DSCAM: variants seen among roughly 807,000 people sequenced by gnomAD.
The protein encoded by DSCAM is cell adhesion molecule DSCAM.
A neutral mutation model predicts 217.7 loss-of-function variants in DSCAM; 47 were observed. The ratio of observed to expected loss-of-function variants is 0.22; its 90% CI spans 0.17 to 0.28. DSCAM has a LOEUF of 0.28. Ranked by LOEUF, DSCAM falls within the 10% of genes least tolerant of loss-of-function variation. The pLI, the probability that DSCAM is intolerant of heterozygous loss-of-function variation, is 1.00. For missense variants in DSCAM, 2,080 were observed against 2,618.3 expected (o/e 0.79, Z 4.49); for synonymous variants, 1,056 against 1,015.3 (o/e 1.04, Z -0.76).
At chr21:40,017,147 G>A (rs1451568044) in intron 32 of DSCAM, among the ~76,000 whole-genome samples, 1 of 151,374 alleles carries the variant, frequency 6.6e-6, no homozygotes, top group Non-Finnish European at 1.5e-5. Flanking sequence ...AATAAATATG[G>A]CCAAATCAAG....
intron 3 of DSCAM, among the ~76,000 whole-genome samples, chr21:40,579,922 C>T (rs962576532): frequency 3.9e-5 from 6 of 152,108 alleles, no homozygotes; most frequent in African/African-American, 1.4e-4. Context: ...CCATTGTGAG[C>T]CACGTGGTGG....
rs537468822 is a variant in DSCAM, at chr21:40,491,675, C to T, written c.509-122430G>A. 7.9e-5 allele frequency among the ~76,000 whole-genome samples: 12 copies of T among 152,284 alleles called. No individual in the cohort carries two copies. In the South Asian group the frequency reaches 2.5e-3, roughly 32 times the overall value. On this transcript the variant is annotated intron_variant, in intron 3 of 32. Coordinates refer to ENST00000400454, the MANE Select transcript of DSCAM (RefSeq NM_001389.5). ...ACCCAATTCATTCAACCCAGGCACA[C>T]TGGCCTTTGTGCTGTTTCTGCAACA...
rs541241844 is a variant in DSCAM at position 40,375,136 on chromosome 21, A to C, written c.509-5891T>G. Among the ~76,000 whole-genome samples, 2 of 152,300 alleles carry C rather than the reference A, an allele frequency of 1.3e-5. 1 individual carries two copies. Among genetic ancestry groups the C allele is most frequent in the South Asian group, 4.1e-4 (2 of 4,824 alleles). Reference sequence around the variant, plus strand: ...ATTTCTTGTCCATCATATTTTATCTAACAGGAAGGCCCTCTGCTTCTACCT... The same window carrying C: ...ATTTCTTGTCCATCATATTTTATCTCACAGGAAGGCCCTCTGCTTCTACCT... On this transcript the variant is annotated intron_variant, in intron 3 of 32. Coordinates refer to ENST00000400454, the MANE Select transcript of DSCAM (RefSeq NM_001389.5).
At chr21:40,410,977 T>C (rs532414334) in intron 3 of DSCAM, among the ~76,000 whole-genome samples, 19 of 152,240 alleles carry the variant, frequency 1.2e-4, no homozygotes, top group Non-Finnish European at 2.5e-4. Context: ...ATTATCAGTT[T>C]TAAAATATCT....
At chr21:40,020,358 T>A (rs2088241047) in intron 32 of DSCAM, among the ~76,000 whole-genome samples, 1 of 152,316 alleles carries the variant, frequency 6.6e-6, no homozygotes, top group Non-Finnish European at 1.5e-5. Flanking sequence ...CCTTCCTTCC[T>A]TCCTTCTTTT....
In DSCAM at chr21:40,481,455, C is replaced by T. The variant is rs909840009; in HGVS notation, c.509-112210G>A. Among the ~76,000 whole-genome samples the T allele has an allele frequency of 8.7e-5, 12 of 137,454 alleles. 1 individual carries two copies. Among genetic ancestry groups the T allele is most frequent in the Non-Finnish European group, 3.0e-5 (2 of 66,636 alleles). 90.2% of individuals were successfully genotyped at this position (137,454 alleles called of 152,430 possible). A position where few individuals can be genotyped will look rare whatever the true frequency, so the allele number is the denominator to read the frequency against. On this transcript the variant is annotated intron_variant, in intron 3 of 32. Transcript: ENST00000400454. The stretch of plus-strand genomic sequence containing the variant: ...CAGAGAATGGCGTGAACCCAGAAGG[C>T]AGAGCTTGCAGTGAGCCAAGATCAT...
chr21:40,331,682 G>T (rs2074379599), intron 8 of DSCAM, among the ~76,000 whole-genome samples: 1 of 152,086 alleles, frequency 6.6e-6, no homozygotes, highest in Non-Finnish European at 1.5e-5. Context: ...GTAAAAAAAT[G>T]CTGGTACATT....
At chr21:40,392,888 G>GA (rs1193429527) in intron 3 of DSCAM, among the ~76,000 whole-genome samples, 1 of 151,964 alleles carries the variant, frequency 6.6e-6, no homozygotes, top group Non-Finnish European at 1.5e-5. Flanking sequence ...TGTTAATCAT[G>GA]AAAAAAATTT....
At chr21:40,767,660 T>A (rs1185475779) in intron 1 of DSCAM, among the ~76,000 whole-genome samples, 1 of 152,192 alleles carries the variant, frequency 6.6e-6, no homozygotes, top group Non-Finnish European at 1.5e-5. Flanking sequence ...GAGCATCTCA[T>A]GGCAGCTCCC....
At chr21:40,743,692 T>G (rs543652483) in intron 1 of DSCAM, among the ~76,000 whole-genome samples, 74 of 152,316 alleles carry the variant, frequency 4.9e-4, no homozygotes, top group African/African-American at 1.8e-3. Context: ...GATACCATGT[T>G]TCTGTCTGGT....
chr21:40,782,717 G>A (rs1569034047), intron 1 of DSCAM, among the ~76,000 whole-genome samples: 2 of 152,020 alleles, frequency 1.3e-5, no homozygotes, highest in East Asian at 1.9e-4. Flanking sequence ...TCCATAGAGT[G>A]AGACCCTGTC....
rs115699580 is a variant in DSCAM at position 40,631,894 on chromosome 21, G to C, written c.508+60916C>G. Among the ~76,000 whole-genome samples, 804 of 152,366 alleles carry C rather than the reference G, an allele frequency of 5.3e-3. 9 individuals carry two copies. The highest frequency in any genetic ancestry group is 0.018 in the African/African-American group (763 of 41,598). ...TGATGGCAACAGAGGCCATGGCTTT[G>C]ACACTATCCTCGCCACCATGGGCAA... On this transcript the variant is annotated intron_variant, in intron 3 of 32. Transcript: ENST00000400454.
At position 40,399,269 on chromosome 21, in the gene DSCAM, CACAAAACAAAACAAAACAAAACAAA is replaced by C. The variant is rs74879612; in HGVS notation, c.509-30049_509-30025del. On this transcript the variant is annotated intron_variant, in intron 3 of 32. Coordinates refer to ENST00000400454, the MANE Select transcript of DSCAM (RefSeq NM_001389.5). ...TGGGTGACAGAGGAAGACCCTGTCT[CACAAAACAAAACAAAACAAAACAAA>C]ACAAAACAAAACAAAACATAGGAGT... 6.7e-5 allele frequency among the ~76,000 whole-genome samples: 10 copies of C among 150,308 alleles called. No individual in the cohort carries two copies. In the South Asian group the frequency reaches 1.1e-3, roughly 16 times the overall value.
chr21:40,238,715 G>C (rs1193477276), intron 11 of DSCAM, among the ~76,000 whole-genome samples: 1 of 152,190 alleles, frequency 6.6e-6, no homozygotes, highest in Non-Finnish European at 1.5e-5. Flanking sequence ...CCATGTCTAA[G>C]TACCGGCTTG....
chr21:40,749,124 C>T (rs927216605), intron 1 of DSCAM, among the ~76,000 whole-genome samples: 3 of 151,972 alleles, frequency 2.0e-5, no homozygotes, highest in African/African-American at 7.2e-5. Context: ...TATGAAACTA[C>T]TAGAAGAAAA....
At chr21:40,723,362 T>C (rs917434999) in intron 1 of DSCAM, among the ~76,000 whole-genome samples, 1 of 152,210 alleles carries the variant, frequency 6.6e-6, no homozygotes, top group African/African-American at 2.4e-5. Context: ...TCCTACTCAT[T>C]CATTGAATGT....
intron 3 of DSCAM, among the ~76,000 whole-genome samples, chr21:40,627,838 A>G (rs1041685655): frequency 2.0e-5 from 3 of 152,132 alleles, no homozygotes; most frequent in East Asian, 1.9e-4. Context: ...CTAACTTTAA[A>G]TCAGCTGTTT....
chr21:40,391,172 A>G (rs1601608022), intron 3 of DSCAM, among the ~76,000 whole-genome samples: 1 of 152,350 alleles, frequency 6.6e-6, no homozygotes, highest in East Asian at 1.9e-4. Context: ...AATAATATTC[A>G]CAAAGACAGG....
rs372959578 is a variant in DSCAM, at chr21:40,333,168, C to T, written c.1783+4933G>A. ...ATGAACAAAATAAGAAAGTCTCTTT[C>T]AATCCTAATCCACAGGGAAAGCCAA... On this transcript the variant is annotated intron_variant, in intron 8 of 32. Transcript: ENST00000400454. Among the ~76,000 whole-genome samples the T allele has an allele frequency of 6.6e-5, 10 of 152,248 alleles. No individual in the cohort carries two copies. The South Asian group carries it at 1.7e-3, about 25-fold the overall frequency.
Sources: gnomAD v4.1 joint callset for allele counts (sites outside exome capture counted in the v4.1 genomes callset) on GRCh38, gnomAD v4.1.1 for gene constraint, MANE v1.5 for transcripts, NCBI Gene and HGNC (gene_info 2026-07-23, HGNC 2026-07-21) for gene names.